Variants in CXADR observed in about 807,000 individuals in gnomAD.
CXADR encodes coxsackievirus and adenovirus receptor.
CXADR carries 20 observed loss-of-function variants against 40.3 expected under a neutral mutation model. The ratio of observed to expected loss-of-function variants is 0.50; its 90% confidence interval spans 0.35 to 0.72. The LOEUF (loss-of-function observed/expected upper bound fraction) is 0.72. CXADR is among the 30% of genes least tolerant of loss of function. CXADR has a pLI of 0.01. For synonymous variants in CXADR, 150 were observed against 161.3 expected, an observed-to-expected ratio of 0.93 and a Z score of 0.53; for missense variants, 332 against 449.1, an observed-to-expected ratio of 0.74 and a Z score of 2.36.
chr21:17,601,966 C>G, the CXADR span, among the ~76,000 whole-genome samples: 9 of 152,192 alleles, frequency 5.9e-5, no homozygotes, highest in Non-Finnish European at 1.2e-4. Flanking sequence ...GTAAGAGAAG[C>G]TGCTGACTAT....
intron 7 of CXADR, among the ~76,000 whole-genome samples, chr21:17,591,801 G>C (rs2061437695): frequency 6.6e-6 from 1 of 151,632 alleles, no homozygotes; most frequent in African/African-American, 2.4e-5. Context: ...GTTGTCTAAG[G>C]GAGACAAACT....
chr21:17,600,937 G>A, the CXADR span, among the ~76,000 whole-genome samples: 3 of 152,210 alleles, frequency 2.0e-5, no homozygotes, highest in Non-Finnish European at 4.4e-5. Context: ...GCCAAGGCGG[G>A]TGGATCATGA....
intron 7 of CXADR, among the ~76,000 whole-genome samples, chr21:17,588,169 A>C (rs931953984): frequency 3.9e-5 from 6 of 152,328 alleles, no homozygotes; most frequent in African/African-American, 1.4e-4. Flanking sequence ...AGGTAGTGTG[A>C]TGCCTCCAGC....
rs1191035916 is a variant in CXADR at position 17,593,058 on chromosome 21, A to G, written c.1018-94A>G. 5.6e-6 allele frequency: 6 copies of G among 1,063,968 alleles called. No individual in the cohort carries two copies. In the Middle Eastern group the frequency reaches 1.0e-3, roughly 182 times the overall value. The allele number at this position is 1,063,968 out of a possible 1,614,324, so 65.9% of individuals were successfully genotyped here. A position where few individuals can be genotyped will look rare whatever the true frequency, so the allele number is the denominator to read the frequency against. ...GACTGCAAATTTAAAGATGAAGGTG[A>G]TGGAAAAAGTATTGCTGATCTTAGT... On this transcript the variant is annotated intron_variant, in intron 7 of 7. Coordinates refer to the CXADR transcript ENST00000400169.
At chr21:17,514,711 A>G (rs2123085123) in intron 1 of CXADR, among the ~76,000 whole-genome samples, 1 of 151,090 alleles carries the variant, frequency 6.6e-6, no homozygotes, top group East Asian at 2.0e-4. Context: ...TTGGCTCACC[A>G]CAACCTCCGC....
At chr21:17,514,997 C>CTTTG (rs752305787) in intron 1 of CXADR, among the ~76,000 whole-genome samples, 9 of 151,594 alleles carry the variant, frequency 5.9e-5, no homozygotes, top group Admixed American at 1.3e-4. Context: ...GAATGCCTCA[C>CTTTG]TTTGATAGGC....
At chr21:17,593,134 C>T (rs1569166465) in intron 7 of CXADR, 2 of 1,402,584 alleles carry the variant, frequency 1.4e-6, no homozygotes, top group South Asian at 3.5e-5. Flanking sequence ...AGAGATATCT[C>T]TTTTTTTCTT....
intron 1 of CXADR, among the ~76,000 whole-genome samples, chr21:17,519,455 C>CT (rs1433170385): frequency 6.6e-6 from 1 of 152,188 alleles, no homozygotes; most frequent in African/African-American, 2.4e-5. Flanking sequence ...AGTTTTTAAT[C>CT]TAAAGAAGCT....
rs934222172 is a variant in CXADR at position 17,532,027 on chromosome 21, G to A, written c.44-15000G>A. 8.0e-5 allele frequency among the ~76,000 whole-genome samples: 12 copies of A among 150,666 alleles called. No homozygotes were observed. The South Asian group carries it at 1.9e-3, about 24-fold the overall frequency. On this transcript the variant is annotated intron_variant, in intron 1 of 6. Coordinates refer to ENST00000284878, the MANE Select transcript of CXADR (RefSeq NM_001338.5). ...TGCAGTCACAACTCACTGCAGCCTC[G>A]ACCTCCCAGGCTCCCACCTCAGTCT...
At chr21:17,629,252 G>A in the CXADR span, among the ~76,000 whole-genome samples, 1 of 151,780 alleles carries the variant, frequency 6.6e-6, no homozygotes, top group Non-Finnish European at 1.5e-5. Context: ...TGGTGATGCA[G>A]GCCTGTAGTC....
At chr21:17,579,501 G>C (rs181890399) in intron 7 of CXADR, among the ~76,000 whole-genome samples, 4 of 152,126 alleles carry the variant, frequency 2.6e-5, no homozygotes, top group Non-Finnish European at 5.9e-5. Context: ...AGCCAGGATG[G>C]TCTCGATCTC....
the CXADR span, chr21:17,604,122 C>T: frequency 2.3e-6 from 3 of 1,282,950 alleles, no homozygotes; most frequent in Admixed American, 5.1e-5. Context: ...AATAAAACCA[C>T]GAAGTATCAC....
intron 1 of CXADR, chr21:17,518,875 C>T: frequency 1.3e-6 from 2 of 1,565,972 alleles, no homozygotes; most frequent in Non-Finnish European, 1.8e-6. Flanking sequence ...TTTTAGAGAA[C>T]TCTGAAGCTT....
At chr21:17,593,859 A>G (rs2061467520), downstream of CXADR, 2 of 511,032 alleles carry the variant, frequency 3.9e-6, no homozygotes, top group East Asian at 3.5e-5. Context: ...CTCAAGTCCA[A>G]TATTAAAAAC....
intron 1 of CXADR, among the ~76,000 whole-genome samples, chr21:17,534,079 C>T (rs1178958101): frequency 3.9e-5 from 3 of 77,392 alleles, no homozygotes; most frequent in African/African-American, 1.5e-4. Flanking sequence ...TACACACACA[C>T]ACATATATAT....
chr21:17,599,558 A>AC, the CXADR span, among the ~76,000 whole-genome samples: 1 of 151,140 alleles, frequency 6.6e-6, no homozygotes, highest in Non-Finnish European at 1.5e-5. Context: ...GCCCACTACA[A>AC]TCTCCACCTC....
chr21:17,535,745 A>G (rs1325814538), intron 1 of CXADR, among the ~76,000 whole-genome samples: 1 of 152,136 alleles, frequency 6.6e-6, no homozygotes, highest in Non-Finnish European at 1.5e-5. Flanking sequence ...GTTGGCTTAC[A>G]CCTGTACTCC....
chr21:17,522,393 C>A (rs986855700), intron 1 of CXADR, among the ~76,000 whole-genome samples: 1 of 152,084 alleles, frequency 6.6e-6, no homozygotes, highest in Non-Finnish European at 1.5e-5. Context: ...GGTGATCCGC[C>A]CGCCTCGGCC....
At chr21:17,619,611 G>A in the CXADR span, among the ~76,000 whole-genome samples, 2 of 124,886 alleles carry the variant, frequency 1.6e-5, no homozygotes, top group Non-Finnish European at 3.4e-5. Flanking sequence ...AAAAAAAAAA[G>A]AGAGAGATTC....
Sources: gnomAD v4.1 joint callset for allele counts (sites outside exome capture counted in the v4.1 genomes callset) on GRCh38, gnomAD v4.1.1 for gene constraint, MANE v1.5 for transcripts, NCBI Gene and HGNC (gene_info 2026-07-23, HGNC 2026-07-21) for gene names.